RAP1GDS1: variants seen among roughly 807,000 people sequenced by gnomAD.
The protein encoded by RAP1GDS1 is Rap1 GTPase-GDP dissociation stimulator 1, also known as RAP1, GTP-GDP dissociation stimulator 1.
A neutral mutation model predicts 71.1 loss-of-function variants in RAP1GDS1; 35 were observed. The observed-to-expected ratio is 0.49, with a 90% CI of 0.38 to 0.65. The LOEUF is 0.65. Among genes scored for constraint, RAP1GDS1 ranks in the 30% least tolerant of loss-of-function variants. RAP1GDS1 has a pLI of 0.00. For synonymous variants in RAP1GDS1, 229 were observed against 243.1 expected (o/e 0.94, Z 0.54); for missense variants, 663 against 706.1 (o/e 0.94, Z 0.69).
At chr4:98,366,255 A>AG (rs1031822967) in intron 4 of RAP1GDS1, among the ~76,000 whole-genome samples, 1 of 152,064 alleles carries the variant, frequency 6.6e-6, no homozygotes, top group African/African-American at 2.4e-5. Context: ...GGTTATTATA[A>AG]GGGGGAGTTT....
chr4:98,393,941 C>G (rs1744124197), intron 6 of RAP1GDS1, among the ~76,000 whole-genome samples: 1 of 151,930 alleles, frequency 6.6e-6, no homozygotes, highest in African/African-American at 2.4e-5. Flanking sequence ...TCCATTTTTG[C>G]TCTCATTATA....
chr4:98,350,186 AAC>A (rs1470583663), intron 3 of RAP1GDS1, among the ~76,000 whole-genome samples: 8 of 152,374 alleles, frequency 5.3e-5, no homozygotes, highest in African/African-American at 1.9e-4. Flanking sequence ...ACATAAAAGA[AAC>A]ACAGTAATTC....
At chr4:98,380,147 T>A (rs1001469286) in intron 5 of RAP1GDS1, among the ~76,000 whole-genome samples, 17 of 151,368 alleles carry the variant, frequency 1.1e-4, no homozygotes. Context: ...TTGTTGTTAG[T>A]GACAACAGTG....
intron 1 of RAP1GDS1, among the ~76,000 whole-genome samples, chr4:98,276,291 T>C (rs1056304226): frequency 3.9e-5 from 6 of 151,982 alleles, no homozygotes; most frequent in African/African-American, 1.2e-4. Context: ...ACATTGGGAG[T>C]AGGATTTCAA....
intron 2 of RAP1GDS1, among the ~76,000 whole-genome samples, chr4:98,321,780 G>A (rs1256407886): frequency 7.7e-6 from 1 of 130,436 alleles, no homozygotes; most frequent in Non-Finnish European, 1.6e-5. Context: ...CGCTAAACAT[G>A]GAAAGGAACA....
intron 5 of RAP1GDS1, chr4:98,387,611 T>G (rs1742964966): frequency 5.4e-6 from 2 of 371,376 alleles, no homozygotes; most frequent in African/African-American, 2.1e-5. Flanking sequence ...TCCCCATAGA[T>G]CATGTAGGGC....
rs374694308 is a variant in RAP1GDS1 at position 98,272,020 on chromosome 4, A to T, written c.4+10451A>T. Among the ~76,000 whole-genome samples, 6 of 152,284 alleles carry T rather than the reference A, an allele frequency of 3.9e-5. No homozygotes were observed. The East Asian group carries it at 1.2e-3, about 29-fold the overall frequency. On this transcript the variant is annotated intron_variant, in intron 1 of 14. Transcript: ENST00000408927. ...TCAATAGATGTGGGGTGGGCTGAGA[A>T]TTTGCATTGTCAAGACCTTCCCAGG... is the stretch of plus-strand genomic sequence containing the variant.
intron 2 of RAP1GDS1, among the ~76,000 whole-genome samples, chr4:98,328,976 C>T (rs1415152300): frequency 6.6e-6 from 1 of 152,246 alleles, no homozygotes; most frequent in African/African-American, 2.4e-5. Flanking sequence ...CTTAAGGTTC[C>T]TGAGCTTGTG....
At chr4:98,403,934 G>T (rs1223795615) in intron 6 of RAP1GDS1, among the ~76,000 whole-genome samples, 1 of 152,096 alleles carries the variant, frequency 6.6e-6, no homozygotes, top group Non-Finnish European at 1.5e-5. Flanking sequence ...AGGTGGACTA[G>T]GGGGAGGATG....
At chr4:98,354,443 GA>G (rs1209148627) in intron 4 of RAP1GDS1, among the ~76,000 whole-genome samples, 2 of 152,142 alleles carry the variant, frequency 1.3e-5, no homozygotes, top group African/African-American at 4.8e-5. Flanking sequence ...TACCTGTTTT[GA>G]GAACTTTTGT....
Position 98,374,250 on chromosome 4 carries a change from A to G in RAP1GDS1, c.362-4767A>G, listed in dbSNP as rs369492263. ...TAGTTTGTGTAATTTCTATTGATCTATGAGTTCGCTGAGTCTTTTCTTGGT... is the reference window on the plus strand; with the variant it reads ...TAGTTTGTGTAATTTCTATTGATCTGTGAGTTCGCTGAGTCTTTTCTTGGT... On this transcript the variant is annotated intron_variant, in intron 4 of 14. Coordinates refer to ENST00000408927, the MANE Select transcript of RAP1GDS1 (RefSeq NM_001100427.2). 2.2e-3 allele frequency among the ~76,000 whole-genome samples: 341 copies of G among 152,182 alleles called. 7 individuals carry two copies. In the South Asian group the frequency reaches 0.052, roughly 23 times the overall value.
chr4:98,389,102 C>T (rs1743217435), intron 5 of RAP1GDS1, among the ~76,000 whole-genome samples: 1 of 149,520 alleles, frequency 6.7e-6, no homozygotes, highest in South Asian at 2.1e-4. Flanking sequence ...GTTTTACCTA[C>T]CATTGCTTTC....
chr4:98,438,567 C>CATATATATATATATATATATATAT (rs36034058), intron 14 of RAP1GDS1, among the ~76,000 whole-genome samples: 84 of 104,692 alleles, frequency 8.0e-4, no homozygotes, highest in Admixed American at 1.0e-3. Flanking sequence ...TTTATTCTTC[C>CATATATATATATATATATATATAT]ATATATATAT....
At chr4:98,348,789 C>T (rs1736702273) in intron 3 of RAP1GDS1, among the ~76,000 whole-genome samples, 1 of 152,038 alleles carries the variant, frequency 6.6e-6, no homozygotes, top group Non-Finnish European at 1.5e-5. Context: ...CTGTTCATAT[C>T]CTTCGCTCAG....
chr4:98,265,642 G>A (rs1483954113), intron 1 of RAP1GDS1, among the ~76,000 whole-genome samples: 1 of 152,132 alleles, frequency 6.6e-6, no homozygotes, highest in African/African-American at 2.4e-5. Context: ...AGAAAAAGAG[G>A]AAAATTGTTC....
chr4:98,320,762 C>T (rs568251143), intron 2 of RAP1GDS1, among the ~76,000 whole-genome samples: 2 of 150,130 alleles, frequency 1.3e-5, no homozygotes, highest in South Asian at 4.3e-4. Context: ...ACACCAAAAA[C>T]CCATCTGTAC....
At chr4:98,283,336 A>T (rs188268777) in intron 1 of RAP1GDS1, among the ~76,000 whole-genome samples, 1 of 152,272 alleles carries the variant, frequency 6.6e-6, no homozygotes, top group African/African-American at 2.4e-5. Context: ...ATTTCTGGGG[A>T]TGGTGATGTG....
intron 2 of RAP1GDS1, among the ~76,000 whole-genome samples, chr4:98,302,152 T>G (rs1728662215): frequency 6.6e-6 from 1 of 152,192 alleles, no homozygotes; most frequent in Non-Finnish European, 1.5e-5. Context: ...ATTTTCCATC[T>G]AAGCCATCTG....
chr4:98,268,112 C>T (rs1362052002), intron 1 of RAP1GDS1, among the ~76,000 whole-genome samples: 3 of 152,054 alleles, frequency 2.0e-5, no homozygotes, highest in Non-Finnish European at 4.4e-5. Context: ...TTAAGAGGAT[C>T]ATACGTCATG....
Sources: allele counts gnomAD v4.1 joint callset (sites outside exome capture counted in the v4.1 genomes callset), GRCh38; gene constraint gnomAD v4.1.1; transcripts MANE v1.5; gene names NCBI Gene and HGNC (gene_info 2026-07-23, HGNC 2026-07-21).